NCAM2: variants seen among roughly 807,000 people sequenced by gnomAD.
NCAM2 encodes the protein neural cell adhesion molecule 2.
NCAM2 carries 30 observed loss-of-function variants against 98.1 expected under a neutral mutation model. The ratio of observed to expected loss-of-function variants is 0.31; its 90% CI spans 0.23 to 0.41. The LOEUF (loss-of-function observed/expected upper bound fraction) is 0.41, where lower values mean the gene tolerates loss of function less well. Among genes scored for constraint, NCAM2 ranks in the 10% least tolerant of loss-of-function variants. The pLI, the probability that NCAM2 is intolerant of heterozygous loss-of-function variation, is 1.00. For missense variants in NCAM2, 867 were observed against 1,005.8 expected, an observed-to-expected ratio of 0.86 and a Z score of 1.87; for synonymous variants, 368 against 342.4, an observed-to-expected ratio of 1.07 and a Z score of -0.83.
intron 1 of NCAM2, among the ~76,000 whole-genome samples, chr21:21,077,807 T>G: frequency 6.6e-6 from 1 of 152,138 alleles, no homozygotes; most frequent in South Asian, 2.1e-4. Flanking sequence ...ATCACATAAG[T>G]ATATTCATTT....
intron 9 of NCAM2, among the ~76,000 whole-genome samples, chr21:21,404,896 T>G (rs2076708593): frequency 6.6e-6 from 1 of 151,572 alleles, no homozygotes; most frequent in East Asian, 1.9e-4. Context: ...TTTACAATAG[T>G]AAAGCCTACA....
At chr21:21,172,269 G>A (rs1454911781) in intron 1 of NCAM2, among the ~76,000 whole-genome samples, 1 of 152,012 alleles carries the variant, frequency 6.6e-6, no homozygotes, top group Non-Finnish European at 1.5e-5. Context: ...GTTTTTAGAT[G>A]CACTAGTACC....
At chr21:21,487,173 G>T (rs150893410) in intron 15 of NCAM2, among the ~76,000 whole-genome samples, 2 of 152,044 alleles carry the variant, frequency 1.3e-5, no homozygotes, top group Non-Finnish European at 2.9e-5. Context: ...AAGTTTTAAT[G>T]TGTTGCTGAG....
At chr21:21,207,123 G>A (rs1260093168) in intron 1 of NCAM2, among the ~76,000 whole-genome samples, 2 of 152,120 alleles carry the variant, frequency 1.3e-5, no homozygotes, top group Non-Finnish European at 2.9e-5. Context: ...GAGATGTAGT[G>A]CAAGACACCT....
chr21:21,104,445 A>G (rs1417880103), intron 1 of NCAM2, among the ~76,000 whole-genome samples: 4 of 152,160 alleles, frequency 2.6e-5, no homozygotes, highest in Admixed American at 6.6e-5. Context: ...GATAACTTCT[A>G]CTTCATACTT....
intron 16 of NCAM2, among the ~76,000 whole-genome samples, chr21:21,531,438 A>C (rs760944932): frequency 6.6e-6 from 1 of 150,924 alleles, no homozygotes; most frequent in Non-Finnish European, 1.5e-5. Context: ...TACAGGAATT[A>C]GTTTGGCACT....
At chr21:21,495,309 G>T (rs968085589) in intron 15 of NCAM2, among the ~76,000 whole-genome samples, 1 of 151,944 alleles carries the variant, frequency 6.6e-6, no homozygotes, top group Non-Finnish European at 1.5e-5. Flanking sequence ...AAGGGGCTGA[G>T]TCTATTTAAT....
intron 1 of NCAM2, among the ~76,000 whole-genome samples, chr21:21,001,288 G>A (rs1037741897): frequency 2.0e-5 from 3 of 152,162 alleles, no homozygotes; most frequent in African/African-American, 7.2e-5. Flanking sequence ...TTGTACAGTA[G>A]TAAGACGCTT....
intron 16 of NCAM2, among the ~76,000 whole-genome samples, chr21:21,510,670 C>A (rs560624711): frequency 1.8e-4 from 27 of 151,970 alleles, no homozygotes; most frequent in African/African-American, 6.5e-4. Context: ...AAGGATAATT[C>A]TTTTATTTGA....
At chr21:21,101,064 T>C (rs1166683287) in intron 1 of NCAM2, among the ~76,000 whole-genome samples, 2 of 151,954 alleles carry the variant, frequency 1.3e-5, no homozygotes, top group Admixed American at 1.3e-4. Context: ...ATATTGTCTA[T>C]TTTGTGAGGT....
chr21:21,523,763 A>G (rs138209035), intron 16 of NCAM2, among the ~76,000 whole-genome samples: 2,543 of 152,028 alleles, frequency 0.017, 69 homozygotes, highest in African/African-American at 0.057. Flanking sequence ...CTTGAACAAC[A>G]AATAAACAAG....
At chr21:21,132,213 C>A (rs1292896391) in intron 1 of NCAM2, among the ~76,000 whole-genome samples, 1 of 152,108 alleles carries the variant, frequency 6.6e-6, no homozygotes, top group South Asian at 2.1e-4. Context: ...TTTTTACTCT[C>A]ACTCTTGCTT....
intron 1 of NCAM2, among the ~76,000 whole-genome samples, chr21:21,278,816 AT>A (rs2072825076): frequency 1.3e-5 from 2 of 152,080 alleles, no homozygotes; most frequent in Admixed American, 6.6e-5. Context: ...TTTGGTAAAT[AT>A]TTTGTTGCTT....
At chr21:21,377,666 T>A (rs559302175) in intron 9 of NCAM2, among the ~76,000 whole-genome samples, 48 of 152,092 alleles carry the variant, frequency 3.2e-4, no homozygotes, top group Non-Finnish European at 5.6e-4. Flanking sequence ...CATTAACATG[T>A]CCATTACCTC....
intron 7 of NCAM2, among the ~76,000 whole-genome samples, chr21:21,337,978 T>G (rs2074921724): frequency 6.6e-6 from 1 of 152,084 alleles, no homozygotes; most frequent in African/African-American, 2.4e-5. Context: ...TATAAATATA[T>G]TCATGTGTGT....
At chr21:21,307,891 C>G (rs2073933483) in intron 5 of NCAM2, among the ~76,000 whole-genome samples, 1 of 152,066 alleles carries the variant, frequency 6.6e-6, no homozygotes, top group African/African-American at 2.4e-5. Flanking sequence ...TGTGATTGGT[C>G]TCGCCTAGAT....
chr21:21,450,600 G>C (rs1053371555), intron 12 of NCAM2, among the ~76,000 whole-genome samples: 1 of 151,926 alleles, frequency 6.6e-6, no homozygotes, highest in African/African-American at 2.4e-5. Context: ...AAATCACCGG[G>C]ATTATAGGCA....
intron 1 of NCAM2, among the ~76,000 whole-genome samples, chr21:21,020,513 C>T (rs954296927): frequency 6.6e-6 from 1 of 152,204 alleles, no homozygotes; most frequent in African/African-American, 2.4e-5. Context: ...CCACTTTGTG[C>T]AGTGTCTGTA....
intron 5 of NCAM2, among the ~76,000 whole-genome samples, chr21:21,309,558 T>C (rs1286741192): frequency 6.6e-6 from 1 of 152,110 alleles, no homozygotes; most frequent in Admixed American, 6.6e-5. Flanking sequence ...TGCACAGTTC[T>C]TTCCCTGGCC....
Sources: gnomAD v4.1 joint callset for allele counts (sites outside exome capture counted in the v4.1 genomes callset) on GRCh38, gnomAD v4.1.1 for gene constraint, MANE v1.5 for transcripts, NCBI Gene and HGNC (gene_info 2026-07-23, HGNC 2026-07-21) for gene names.